Variants in ZC3H13 observed in about 807,000 individuals in gnomAD.
The protein encoded by ZC3H13 is zinc finger CCCH domain-containing protein 13.
Under a neutral mutation model 204.1 loss-of-function variants are expected in ZC3H13, and 64 were observed. The observed-to-expected ratio is 0.31, with a 90% CI of 0.26 to 0.39. The LOEUF is 0.39. Among genes scored for constraint, ZC3H13 ranks in the 10% least tolerant of loss-of-function variants. The pLI is 1.00. For missense variants in ZC3H13, 1,833 were observed against 2,082.7 expected (o/e 0.88, Z 2.33); for synonymous variants, 667 against 693.7 (o/e 0.96, Z 0.60).
intron 17 of ZC3H13, chr13:45,963,098 C>CA (rs1197781755): frequency 1.0e-6 from 1 of 977,638 alleles, no homozygotes. Flanking sequence ...TGTAATAACT[C>CA]ATTTGCTCCT....
intron 8 of ZC3H13, among the ~76,000 whole-genome samples, chr13:45,989,387 A>G (rs1210948577): frequency 6.6e-6 from 1 of 152,202 alleles, no homozygotes; most frequent in Non-Finnish European, 1.5e-5. Context: ...CCCTAACTTA[A>G]AGTATGGAAT....
intron 4 of ZC3H13, among the ~76,000 whole-genome samples, chr13:46,036,954 A>G (rs2043247277): frequency 1.3e-5 from 2 of 152,134 alleles, no homozygotes; most frequent in South Asian, 4.1e-4. Flanking sequence ...CCTGGCCTCA[A>G]GTGATCTGCC....
At chr13:45,998,589 CA>C (rs2040510135) in intron 8 of ZC3H13, among the ~76,000 whole-genome samples, 1 of 151,412 alleles carries the variant, frequency 6.6e-6, no homozygotes, top group Middle Eastern at 3.4e-3. Flanking sequence ...ATGGAGCTTG[CA>C]ATGAGCCAAG....
chr13:46,001,945 A>G (rs1443219574), intron 8 of ZC3H13, among the ~76,000 whole-genome samples: 4 of 151,876 alleles, frequency 2.6e-5, no homozygotes, highest in Non-Finnish European at 5.9e-5. Context: ...CACAATTAAC[A>G]GAGTGAAAAA....
intron 7 of ZC3H13, among the ~76,000 whole-genome samples, chr13:46,003,911 G>A (rs558968682): frequency 8.4e-4 from 128 of 152,144 alleles, no homozygotes; most frequent in South Asian, 7.0e-3. Context: ...TAGAAGAAAA[G>A]CTTCATGACA....
chr13:46,031,951 C>T (rs2138997070), intron 4 of ZC3H13, among the ~76,000 whole-genome samples: 1 of 152,270 alleles, frequency 6.6e-6, no homozygotes, highest in East Asian at 1.9e-4. Flanking sequence ...AACATATGTC[C>T]ACACAAAAAT....
At chr13:46,024,658 T>C (rs1213735260) in intron 4 of ZC3H13, among the ~76,000 whole-genome samples, 2 of 152,144 alleles carry the variant, frequency 1.3e-5, no homozygotes, top group Admixed American at 1.3e-4. Flanking sequence ...CTCGTATCTG[T>C]AGATTTGTGG....
intron 18 of ZC3H13, among the ~76,000 whole-genome samples, chr13:45,958,756 G>T (rs562161038): frequency 1.4e-5 from 2 of 146,968 alleles, no homozygotes. Context: ...CCTGGTTTAC[G>T]CCATTCTCCT....
chr13:45,987,003 T>C (rs1205219224), intron 9 of ZC3H13, among the ~76,000 whole-genome samples: 1 of 152,194 alleles, frequency 6.6e-6, no homozygotes, highest in Non-Finnish European at 1.5e-5. Context: ...TCTCCATCCC[T>C]TTCTGTGAAT....
rs142670359 is a variant in ZC3H13 at position 46,006,010 on chromosome 13, G to A, written c.747-2674C>T. Among the ~76,000 whole-genome samples the A allele has an allele frequency of 2.3e-3, 349 of 151,206 alleles. 3 individuals carry two copies. The highest frequency in any genetic ancestry group is 6.9e-3 in the South Asian group (33 of 4,800). On this transcript the variant is annotated intron_variant, in intron 7 of 18. Transcript: ENST00000679008. ...CTCAGGAGGCTGAGGCAGAAGAACC[G>A]CTTGAACCCAGGAGGCAGATGTTGC...
At chr13:45,991,084 G>A (rs2039939224) in intron 8 of ZC3H13, among the ~76,000 whole-genome samples, 1 of 152,174 alleles carries the variant, frequency 6.6e-6, no homozygotes, top group Non-Finnish European at 1.5e-5. Flanking sequence ...TTATAGGCAT[G>A]AGCCACCATG....
chr13:45,967,957 A>T lies in ZC3H13; in HGVS notation c.3868T>A (p.Ser1290Thr), dbSNP rs561574594. 4 of 1,613,680 alleles carry T rather than the reference A, an allele frequency of 2.5e-6. No homozygotes were observed. In the African/African-American group the frequency reaches 5.3e-5, roughly 22 times the overall value. ...PESDRQVHSR[S>T]GSFDSRDRLQ... Reference sequence around the variant, plus strand: ...CTGTCTCTGCTATCAAATGACCCAGATCTTGAATGGACCTGTCGATCTGAC... The same window carrying T: ...CTGTCTCTGCTATCAAATGACCCAGTTCTTGAATGGACCTGTCGATCTGAC... Residue 1290 changes from serine (S) to threonine (T), a missense_variant, in exon 15 of 19, where the codon TCT (serine) becomes ACT (threonine). Ser to Thr is a moderately conservative substitution (Grantham distance 58). Transcript: ENST00000679008.
chr13:45,965,177 A>C, intron 16 of ZC3H13, 103 bp downstream of exon 16: 2 of 1,391,976 alleles, frequency 1.4e-6, no homozygotes, highest in Non-Finnish European at 9.5e-7. Context: ...AAAAGGAAAA[A>C]TTCTAAGTGT....
intron 18 of ZC3H13, among the ~76,000 whole-genome samples, chr13:45,958,744 C>G (rs1223784673): frequency 6.7e-6 from 1 of 150,186 alleles, no homozygotes; most frequent in Admixed American, 6.7e-5. Context: ...CAAGCTCCGC[C>G]TCCTGGTTTA....
chr13:46,014,136 A>G (rs1249649406), intron 5 of ZC3H13, among the ~76,000 whole-genome samples: 2 of 152,244 alleles, frequency 1.3e-5, no homozygotes, highest in East Asian at 1.9e-4. Flanking sequence ...ACATCAATAC[A>G]TAACTTTAAT....
At chr13:46,016,995 G>A (rs1185633332) in intron 5 of ZC3H13, among the ~76,000 whole-genome samples, 1 of 152,004 alleles carries the variant, frequency 6.6e-6, no homozygotes, top group African/African-American at 2.4e-5. Flanking sequence ...ATGACTCTCA[G>A]GACTGTTGGT....
rs570448240 is a variant in ZC3H13, at chr13:46,028,972, G to A, written c.340-8415C>T. 1.3e-4 allele frequency among the ~76,000 whole-genome samples: 20 copies of A among 151,962 alleles called. No homozygotes were observed. The East Asian group carries it at 2.7e-3, about 21-fold the overall frequency. ...TAGAATGAAAAAAGTCAATGAAATC[G>A]AAAACAGAAATTCAATAGAGAAAAA... On this transcript the variant is annotated intron_variant, in intron 4 of 18. Transcript: ENST00000679008.
chr13:45,989,096 A>G lies in ZC3H13; in HGVS notation c.946T>C (p.Ser316Pro), dbSNP rs1445393401. 56 of 1,611,976 alleles carry G rather than the reference A, an allele frequency of 3.5e-5. No individual in the cohort carries two copies. The highest frequency in any genetic ancestry group is 4.2e-5 in the Non-Finnish European group (49 of 1,178,236). The change falls in exon 9 of 19, where the codon TCT (serine) becomes CCT (proline). Residue 316 changes from serine (S) to proline (P), a missense_variant and splice_region_variant. By Grantham distance (74) the Ser-to-Pro change is moderately conservative (BLOSUM62 -1). Around this residue, in one of 5 missense-constraint regions of ZC3H13, gnomAD observed 1,574 missense variants for 1,757.2 expected, o/e 0.90. Coordinates refer to ENST00000679008, the MANE Select transcript of ZC3H13 (RefSeq NM_001330564.2). ...TGATGCTGTCCTGCTGGGGAAGTAG[A>G]CCTACAAGGGAAAACAATAACAATA... ...RQREKRDKPR[S>P]TSPAGQHHSP... is the part of the protein sequence containing the mutation.
chr13:45,998,093 T>C (rs190115098), intron 8 of ZC3H13, among the ~76,000 whole-genome samples: 5 of 152,342 alleles, frequency 3.3e-5, no homozygotes, highest in African/African-American at 9.6e-5. Flanking sequence ...ATTTAAAGTA[T>C]TTTTAAAGGG....
Sources: allele counts gnomAD v4.1 joint callset (sites outside exome capture counted in the v4.1 genomes callset), GRCh38; gene constraint gnomAD v4.1.1; regional missense constraint gnomAD v4.1.1; transcripts MANE v1.5; gene names NCBI Gene and HGNC (gene_info 2026-07-23, HGNC 2026-07-21).